PPFIA2: variants seen among roughly 807,000 people sequenced by gnomAD.
The protein encoded by PPFIA2 is liprin-alpha-2.
In PPFIA2, 46 loss-of-function variants were observed where a neutral mutation model predicts 175.5. The ratio of observed to expected loss-of-function variants is 0.26; its 90% confidence interval spans 0.21 to 0.34. PPFIA2 has a LOEUF of 0.34. Ranked by LOEUF, PPFIA2 falls within the 10% of genes least tolerant of loss-of-function variation. The probability of loss-of-function intolerance (pLI) is 1.00; values close to 1 mark genes in which losing one functional copy is unlikely to be tolerated. For synonymous variants in PPFIA2, 568 were observed against 511.4 expected, an observed-to-expected ratio of 1.11 and a Z score of -1.49; for missense variants, 1,179 against 1,506.1, an observed-to-expected ratio of 0.78 and a Z score of 3.60.
chr12:81,263,400 C>A lies in PPFIA2; in HGVS notation c.3556-10G>T. On this transcript the variant is annotated splice_polypyrimidine_tract_variant and intron_variant, in intron 30 of 32. Coordinates refer to ENST00000549396, the MANE Select transcript of PPFIA2 (RefSeq NM_003625.5). ...AGTTCTTGTCATCACTCTGCCAGTA[C>A]AGTTATAAGGTGATGTTATGAAAAC... 6.2e-7 allele frequency: 1 copy of A among 1,610,822 alleles called. No homozygotes were observed. The highest frequency in any genetic ancestry group is 8.5e-7 in the Non-Finnish European group (1 of 1,177,240).
chr12:81,710,347 C>T (rs1223337768), intron 3 of PPFIA2, among the ~76,000 whole-genome samples: 3 of 151,812 alleles, frequency 2.0e-5, no homozygotes, highest in Non-Finnish European at 1.5e-5. Flanking sequence ...ACATCTAATA[C>T]TTATCACACA....
At chr12:81,631,963 T>C (rs1464939714) in intron 4 of PPFIA2, among the ~76,000 whole-genome samples, 2 of 152,232 alleles carry the variant, frequency 1.3e-5, no homozygotes, top group Admixed American at 6.5e-5. Flanking sequence ...ACAAATTAAA[T>C]ATGTATTAAG....
At chr12:81,665,926 C>CAAAA (rs2070141820) in intron 4 of PPFIA2, among the ~76,000 whole-genome samples, 3 of 152,066 alleles carry the variant, frequency 2.0e-5, no homozygotes, top group Admixed American at 2.0e-4. Context: ...AAGAAAAAAA[C>CAAAA]AACCCCATCA....
At chr12:81,491,115 C>T (rs756954576) in intron 4 of PPFIA2, among the ~76,000 whole-genome samples, 30 of 151,898 alleles carry the variant, frequency 2.0e-4, no homozygotes, top group Admixed American at 1.1e-3. Context: ...ACCCACTCTA[C>T]AGTAGGTTTC....
chr12:81,495,101 A>C (rs963966364), intron 4 of PPFIA2, among the ~76,000 whole-genome samples: 1 of 151,974 alleles, frequency 6.6e-6, no homozygotes, highest in African/African-American at 2.4e-5. Context: ...AATAATAATA[A>C]AATTTTAAAA....
At chr12:81,656,723 TTTAG>T (rs2067850235) in intron 4 of PPFIA2, among the ~76,000 whole-genome samples, 1 of 151,966 alleles carries the variant, frequency 6.6e-6, no homozygotes, top group South Asian at 2.1e-4. Context: ...ATATAAATGA[TTTAG>T]TTACTTTCAG....
intron 30 of PPFIA2, among the ~76,000 whole-genome samples, chr12:81,265,118 C>A (rs1302341093): frequency 2.0e-5 from 3 of 151,580 alleles, no homozygotes; most frequent in African/African-American, 7.3e-5. Flanking sequence ...CATGGAGAAA[C>A]CCTGTCTCTA....
At chr12:81,645,105 G>A (rs2065879912) in intron 4 of PPFIA2, among the ~76,000 whole-genome samples, 1 of 151,792 alleles carries the variant, frequency 6.6e-6, no homozygotes, top group East Asian at 1.9e-4. Context: ...GTACAGAGGA[G>A]TCATATACTA....
chr12:81,428,757 C>A (rs2047585300), intron 7 of PPFIA2, among the ~76,000 whole-genome samples: 1 of 151,922 alleles, frequency 6.6e-6, no homozygotes, highest in African/African-American at 2.4e-5. Context: ...AAAATCTATA[C>A]AATCTTCTAA....
At chr12:81,490,549 G>T (rs2059317541) in intron 4 of PPFIA2, among the ~76,000 whole-genome samples, 1 of 151,960 alleles carries the variant, frequency 6.6e-6, no homozygotes, top group Non-Finnish European at 1.5e-5. Flanking sequence ...GCTGAAGTTT[G>T]TGTATTTAGC....
At chr12:81,575,658 G>T (rs1274937801) in intron 4 of PPFIA2, among the ~76,000 whole-genome samples, 1 of 151,586 alleles carries the variant, frequency 6.6e-6, no homozygotes, top group African/African-American at 2.4e-5. Context: ...TAACCTGTAT[G>T]AAAGAAAAAA....
At chr12:81,450,923 T>A (rs1250971149) in intron 5 of PPFIA2, among the ~76,000 whole-genome samples, 1 of 152,188 alleles carries the variant, frequency 6.6e-6, no homozygotes, top group Non-Finnish European at 1.5e-5. Context: ...AATTCTATCA[T>A]CCTGGAATTA....
At chr12:81,292,004 G>A (rs2045163631) in intron 24 of PPFIA2, among the ~76,000 whole-genome samples, 1 of 151,902 alleles carries the variant, frequency 6.6e-6, no homozygotes, top group South Asian at 2.1e-4. Flanking sequence ...TAATTAATAT[G>A]GTATAATTTA....
intron 4 of PPFIA2, among the ~76,000 whole-genome samples, chr12:81,465,691 T>C (rs1593407974): frequency 6.6e-6 from 1 of 152,190 alleles, no homozygotes; most frequent in South Asian, 2.1e-4. Flanking sequence ...TGTATGTTTT[T>C]CCCCAAACCA....
intron 24 of PPFIA2, among the ~76,000 whole-genome samples, chr12:81,286,487 T>C (rs2043451125): frequency 6.6e-6 from 1 of 152,050 alleles, no homozygotes; most frequent in Non-Finnish European, 1.5e-5. Context: ...AGTGTTACAT[T>C]TGCCTACAGT....
chr12:81,538,000 G>T (rs1382912443), intron 4 of PPFIA2, among the ~76,000 whole-genome samples: 2 of 151,834 alleles, frequency 1.3e-5, no homozygotes, highest in Non-Finnish European at 2.9e-5. Flanking sequence ...TTTGCAATCT[G>T]ATAATAAGCA....
chr12:81,313,582 A>T (rs1237611246), intron 22 of PPFIA2, among the ~76,000 whole-genome samples: 1 of 152,152 alleles, frequency 6.6e-6, no homozygotes, highest in East Asian at 1.9e-4. Context: ...GAAATTTATC[A>T]TATTTTTCAC....
Position 81,609,640 on chromosome 12 carries a change from T to A in PPFIA2, c.303+67151A>T, listed in dbSNP as rs149192837. 5.3e-5 allele frequency among the ~76,000 whole-genome samples: 8 copies of A among 152,318 alleles called. No individual in the cohort carries two copies. The East Asian group carries it at 1.5e-3, about 29-fold the overall frequency. ...CATTTGCATGGTAGATCTTTCCTTA[T>A]TCTTTTACTTTGAACCTGTGGGTGT... On this transcript the variant is annotated intron_variant, in intron 4 of 32. Transcript: ENST00000549396.
chr12:81,285,693 C>G (rs571668973), intron 24 of PPFIA2, among the ~76,000 whole-genome samples: 5 of 152,176 alleles, frequency 3.3e-5, no homozygotes, highest in African/African-American at 1.2e-4. Flanking sequence ...CTAGTGTAAA[C>G]AAACCTATTG....
Sources: allele counts gnomAD v4.1 joint callset (sites outside exome capture counted in the v4.1 genomes callset), GRCh38; gene constraint gnomAD v4.1.1; transcripts MANE v1.5; gene names NCBI Gene and HGNC (gene_info 2026-07-23, HGNC 2026-07-21).